Variants in VPS13B observed in about 807,000 individuals in gnomAD.
VPS13B encodes vacuolar protein sorting 13 homolog B.
VPS13B carries 285 observed loss-of-function variants against 426.4 expected under a neutral mutation model. The ratio of observed to expected loss-of-function variants is 0.67; its 90% CI spans 0.61 to 0.74. The LOEUF is 0.74. Ranked by LOEUF, VPS13B falls within the 30% of genes least tolerant of loss-of-function variation. VPS13B has a pLI of 0.00. For missense variants in VPS13B, 4,537 were observed against 4,782.6 expected, an observed-to-expected ratio of 0.95 and a Z score of 1.51; for synonymous variants, 1,676 against 1,676.4, an observed-to-expected ratio of 1.00 and a Z score of 0.01.
chr8:99,727,028 C>T (rs1563884623), intron 39 of VPS13B, among the ~76,000 whole-genome samples: 1 of 152,168 alleles, frequency 6.6e-6, no homozygotes, highest in Non-Finnish European at 1.5e-5. Flanking sequence ...TACATAATAA[C>T]TCATTAAATT....
chr8:99,136,335 A>G (rs1588076669), intron 11 of VPS13B, among the ~76,000 whole-genome samples: 1 of 152,084 alleles, frequency 6.6e-6, no homozygotes, highest in East Asian at 1.9e-4. Context: ...GATTAATTCT[A>G]TTTGAGAGTA....
intron 33 of VPS13B, among the ~76,000 whole-genome samples, chr8:99,624,484 G>A (rs372518359): frequency 1.6e-4 from 24 of 152,230 alleles, no homozygotes; most frequent in African/African-American, 5.3e-4. Context: ...GTGTAGCCAG[G>A]CCTAAAAATC....
intron 14 of VPS13B, among the ~76,000 whole-genome samples, chr8:99,156,122 A>G (rs530352044): frequency 7.0e-4 from 107 of 152,174 alleles, no homozygotes; most frequent in Non-Finnish European, 1.2e-3. Context: ...TGTTTTTGAC[A>G]TTGTGTGGTG....
intron 16 of VPS13B, among the ~76,000 whole-genome samples, chr8:99,177,665 G>T (rs1430343082): frequency 6.6e-6 from 1 of 152,164 alleles, no homozygotes; most frequent in Non-Finnish European, 1.5e-5. Flanking sequence ...GGGTGAAGTT[G>T]TATAGGCAAA....
intron 30 of VPS13B, among the ~76,000 whole-genome samples, chr8:99,525,094 G>A (rs1378379595): frequency 6.6e-6 from 1 of 152,042 alleles, no homozygotes; most frequent in Non-Finnish European, 1.5e-5. Flanking sequence ...ATTATCTGAA[G>A]GTACAGAACT....
intron 12 of VPS13B, among the ~76,000 whole-genome samples, chr8:99,137,344 T>C (rs1222398986): frequency 2.6e-5 from 4 of 152,118 alleles, no homozygotes. Flanking sequence ...ACAGTTTTTT[T>C]TGGTGAATTT....
At chr8:99,849,882 A>G (rs1277216353) in intron 55 of VPS13B, among the ~76,000 whole-genome samples, 1 of 152,182 alleles carries the variant, frequency 6.6e-6, no homozygotes, top group Non-Finnish European at 1.5e-5. Context: ...AATATTGAAT[A>G]TATATGATCC....
intron 3 of VPS13B, among the ~76,000 whole-genome samples, chr8:99,083,308 G>A (rs1305496255): frequency 6.6e-6 from 1 of 152,166 alleles, no homozygotes; most frequent in African/African-American, 2.4e-5. Context: ...CATTGATTTT[G>A]TATCCTGAGA....
At chr8:99,365,889 C>G in intron 19 of VPS13B, among the ~76,000 whole-genome samples, 1 of 151,602 alleles carries the variant, frequency 6.6e-6, no homozygotes, top group Non-Finnish European at 1.5e-5. Context: ...TCATATGTTC[C>G]CATGTTCCTC....
intron 3 of VPS13B, among the ~76,000 whole-genome samples, chr8:99,089,711 TA>T (rs1335218556): frequency 6.6e-6 from 1 of 152,146 alleles, no homozygotes; most frequent in Non-Finnish European, 1.5e-5. Flanking sequence ...GAATAGATTG[TA>T]AATGTTTCTT....
intron 21 of VPS13B, chr8:99,429,705 C>T (rs915365403): frequency 2.0e-5 from 3 of 152,180 alleles, no homozygotes; most frequent in Admixed American, 2.0e-4. Context: ...CTTCTTGCCA[C>T]CTCGTTGCTT....
At chr8:99,774,684 A>G (rs1032383818) in intron 40 of VPS13B, among the ~76,000 whole-genome samples, 5 of 152,246 alleles carry the variant, frequency 3.3e-5, no homozygotes, top group African/African-American at 1.2e-4. Flanking sequence ...TTACATGAGT[A>G]GTATAAGGGA....
chr8:99,635,567 A>T (rs1300287756), intron 33 of VPS13B, among the ~76,000 whole-genome samples: 1 of 152,026 alleles, frequency 6.6e-6, no homozygotes, highest in Non-Finnish European at 1.5e-5. Context: ...CCTGGAATAG[A>T]TGCTGAATTT....
At chr8:99,234,034 A>G in intron 17 of VPS13B, 1 of 776,730 alleles carries the variant, frequency 1.3e-6, no homozygotes. Flanking sequence ...TGGCACCAAC[A>G]AACTGGGTTG....
chr8:99,032,492 AT>A (rs1324947667), intron 2 of VPS13B, among the ~76,000 whole-genome samples: 1 of 143,598 alleles, frequency 7.0e-6, no homozygotes, highest in Non-Finnish European at 1.5e-5. Flanking sequence ...TCCTTTATTG[AT>A]TTTCAAATTG....
chr8:99,509,621 T>C (rs988981002), intron 28 of VPS13B, among the ~76,000 whole-genome samples: 2 of 152,144 alleles, frequency 1.3e-5, no homozygotes, highest in Non-Finnish European at 1.5e-5. Flanking sequence ...CTCAGACTCA[T>C]TACTGCTTTC....
At chr8:99,222,104 A>G (rs1049366501) in intron 17 of VPS13B, among the ~76,000 whole-genome samples, 1 of 152,212 alleles carries the variant, frequency 6.6e-6, no homozygotes, top group Non-Finnish European at 1.5e-5. Context: ...TCACTGGGAC[A>G]ATTAAGAAGG....
At chr8:99,040,586 A>G (rs1407052232) in intron 3 of VPS13B, among the ~76,000 whole-genome samples, 1 of 152,216 alleles carries the variant, frequency 6.6e-6, no homozygotes, top group Non-Finnish European at 1.5e-5. Flanking sequence ...TTCCTGTTTT[A>G]AGCTTTGATT....
At chr8:99,152,076 T>C (rs573840019) in intron 14 of VPS13B, among the ~76,000 whole-genome samples, 12 of 152,344 alleles carry the variant, frequency 7.9e-5, no homozygotes, top group South Asian at 2.1e-4. Flanking sequence ...TTTGGATTTA[T>C]TTAATTTCCT....
Sources: allele counts gnomAD v4.1 joint callset (sites outside exome capture counted in the v4.1 genomes callset), GRCh38; gene constraint gnomAD v4.1.1; transcripts MANE v1.5; gene names NCBI Gene and HGNC (gene_info 2026-07-23, HGNC 2026-07-21).